Variants in FYB2 observed in about 807,000 individuals in gnomAD.
FYB2 encodes FYN binding protein 2.
In FYB2, 103 loss-of-function variants were observed where a neutral mutation model predicts 94.1. That is an observed-to-expected ratio of 1.09 (90% CI 0.93 to 1.29). FYB2 has a LOEUF of 1.29. Ranked by LOEUF, FYB2 falls within the 50% of genes most tolerant of loss-of-function variation. FYB2 has a pLI of 0.00. For missense variants in FYB2, 896 were observed against 841.5 expected (o/e 1.06, Z -0.80); for synonymous variants, 293 against 287.9 (o/e 1.02, Z -0.18).
chr1:56,807,191 T>A (rs955529985), intron 1 of FYB2, among the ~76,000 whole-genome samples: 2 of 152,190 alleles, frequency 1.3e-5, no homozygotes, highest in African/African-American at 4.8e-5. Flanking sequence ...CTTTTAGGTT[T>A]ATGACAGTTT....
chr1:56,753,935 A>G lies in FYB2; in HGVS notation c.1131T>C (p.Ser377=). The G allele has an allele frequency of 6.3e-7, 1 of 1,577,954 alleles. No individual in the cohort carries two copies. Among genetic ancestry groups the G allele is most frequent in the East Asian group, 2.3e-5 (1 of 43,812 alleles). ...TCATTTTTTTATCTTCATGTTTAGC[A>G]CTGAAATGTGAAGAGATACCAGGAA... ...PGKNFPYPEP[S]AKHEDKKMKE... is the part of the protein sequence containing the mutation. Residue 377 remains serine (S), a splice_region_variant and synonymous_variant, in exon 8 of 20, where the codon AGT becomes AGC. Transcript: ENST00000343433.
At position 56,742,162 on chromosome 1, in the gene FYB2, C is replaced by G. The variant is rs188719293; in HGVS notation, c.1603G>C (p.Asp535His). The G allele has an allele frequency of 3.1e-6, 5 of 1,603,580 alleles. No homozygotes were observed. ...AAGCCAAGAAAGAGAGAAACTCACTCTATCTTTGGGTAGTTGTTCTTTGTT... is the reference window on the plus strand; with the variant it reads ...AAGCCAAGAAAGAGAGAAACTCACTGTATCTTTGGGTAGTTGTTCTTTGTT... The part of the protein sequence containing the change: ...YKTKNNYPKI[D>H]LDGKEALKRL... The change falls in exon 12 of 20, where the codon GAT becomes CAT. Residue 535 changes from aspartate to histidine, a missense_variant and splice_region_variant. Asp to His is a moderately conservative substitution (Grantham distance 81, BLOSUM62 -1). Coordinates refer to ENST00000343433, the MANE Select transcript of FYB2 (RefSeq NM_001004303.5).
intron 1 of FYB2, among the ~76,000 whole-genome samples, chr1:56,816,264 G>C (rs766221946): frequency 6.6e-6 from 1 of 152,170 alleles, no homozygotes; most frequent in Non-Finnish European, 1.5e-5. Flanking sequence ...CCAGTGGCTG[G>C]TCTAGTCTGG....
At chr1:56,775,538 T>C (rs1645856185) in intron 4 of FYB2, among the ~76,000 whole-genome samples, 1 of 152,190 alleles carries the variant, frequency 6.6e-6, no homozygotes, top group South Asian at 2.1e-4. Context: ...TTTGGCTCTA[T>C]GAAATAGATA....
chr1:56,740,663 C>T, intron 13 of FYB2, 34 bp downstream of exon 13: 1 of 1,291,396 alleles, frequency 7.7e-7, no homozygotes. Flanking sequence ...CAGGTTAATC[C>T]CCTCGTGGAA....
chr1:56,752,857 A>T (rs890777469), intron 8 of FYB2, among the ~76,000 whole-genome samples: 3 of 152,110 alleles, frequency 2.0e-5, no homozygotes, highest in Non-Finnish European at 4.4e-5. Flanking sequence ...ATCCTTAGTC[A>T]TGTATCTCTC....
chr1:56,740,749 T>C lies in FYB2; in HGVS notation c.1651A>G (p.Lys551Glu). The C allele has an allele frequency of 6.2e-7, 1 of 1,608,942 alleles. No homozygotes were observed. Among genetic ancestry groups the C allele is most frequent in the Non-Finnish European group, 8.5e-7 (1 of 1,177,296 alleles). ...ALKRLQQFFK[K>E]EKDRFKIKKT... ...TTTATTTTAAATCTATCCTTTTCTT[T>C]CTTGAAGAATTGCTGCAGTCTTTTG... The change falls in exon 13 of 20, where the codon AAA (lysine) becomes GAA (glutamate). Residue 551 changes from lysine to glutamate, a missense_variant. By Grantham distance (56) the Lys-to-Glu change is moderately conservative. Transcript: ENST00000343433.
intron 1 of FYB2, among the ~76,000 whole-genome samples, chr1:56,804,027 T>C (rs966699016): frequency 6.6e-6 from 1 of 152,202 alleles, no homozygotes; most frequent in Non-Finnish European, 1.5e-5. Flanking sequence ...GAGGAGTCCA[T>C]ATTTTATAAA....
intron 15 of FYB2, among the ~76,000 whole-genome samples, chr1:56,733,268 G>C (rs1484213426): frequency 6.6e-6 from 1 of 152,074 alleles, no homozygotes; most frequent in Non-Finnish European, 1.5e-5. Context: ...TGTGGGATTG[G>C]TGGTGATATC....
intron 1 of FYB2, among the ~76,000 whole-genome samples, chr1:56,818,875 G>A (rs1274486061): frequency 6.6e-6 from 1 of 152,194 alleles, no homozygotes; most frequent in African/African-American, 2.4e-5. Flanking sequence ...CTAGCACCAA[G>A]CACTGCTCTC....
chr1:56,759,867 G>T (rs1454200881), intron 5 of FYB2, among the ~76,000 whole-genome samples: 1 of 152,068 alleles, frequency 6.6e-6, no homozygotes, highest in African/African-American at 2.4e-5. Context: ...TGGATCACAA[G>T]GTCAGGAGTT....
intron 5 of FYB2, among the ~76,000 whole-genome samples, chr1:56,765,934 G>C (rs751340351): frequency 2.0e-5 from 3 of 152,184 alleles, no homozygotes; most frequent in Non-Finnish European, 2.9e-5. Context: ...CACTTCACTT[G>C]AAATGAGCTA....
rs1570019223 is a variant in FYB2 at position 56,757,009 on chromosome 1, T to C, written c.1099-1082A>G. Among the ~76,000 whole-genome samples the C allele has an allele frequency of 2.6e-5, 4 of 152,260 alleles. No homozygotes were observed. The South Asian group carries it at 8.3e-4, about 32-fold the overall frequency. On this transcript the variant is annotated intron_variant, in intron 6 of 19. Transcript: ENST00000343433. Reference sequence around the variant, plus strand: ...TAAACTATGTTGACTCAGTCCCTTATAGTCAAGAATATTCCAAGTCATTAA... The same window carrying C: ...TAAACTATGTTGACTCAGTCCCTTACAGTCAAGAATATTCCAAGTCATTAA...
At chr1:56,819,959 G>C (rs1646970812), upstream of FYB2, among the ~76,000 whole-genome samples, 1 of 152,144 alleles carries the variant, frequency 6.6e-6, no homozygotes, top group Non-Finnish European at 1.5e-5. Flanking sequence ...CGGGTGCAGT[G>C]GCTCACACCT....
intron 4 of FYB2, among the ~76,000 whole-genome samples, chr1:56,773,403 T>C (rs1312237219): frequency 6.6e-5 from 10 of 152,198 alleles, no homozygotes; most frequent in African/African-American, 2.4e-4. Context: ...CATTAATAGC[T>C]ACCATTTCTT....
chr1:56,729,072 C>T (rs770224692), intron 15 of FYB2, among the ~76,000 whole-genome samples: 12 of 152,036 alleles, frequency 7.9e-5, no homozygotes, highest in South Asian at 2.1e-4. Flanking sequence ...GAAGAACAGG[C>T]GAGGCTAAGA....
At chr1:56,799,804 A>C (rs1006036362) in intron 1 of FYB2, among the ~76,000 whole-genome samples, 4 of 152,118 alleles carry the variant, frequency 2.6e-5, no homozygotes, top group African/African-American at 4.8e-5. Context: ...TCTCTATGTC[A>C]CCGCTCTCTG....
chr1:56,758,897 T>C (rs1645421798), intron 5 of FYB2, 147 bp from the exon 6 acceptor site: 2 of 526,462 alleles, frequency 3.8e-6, no homozygotes, highest in Non-Finnish European at 6.3e-6. Context: ...ATCTAGAAAG[T>C]TTGGGAAATT....
At chr1:56,727,632 A>G (rs1235507351) in intron 15 of FYB2, among the ~76,000 whole-genome samples, 1 of 152,128 alleles carries the variant, frequency 6.6e-6, no homozygotes, top group African/African-American at 2.4e-5. Context: ...TATGTTTGTT[A>G]AAACTATTTT....
Sources: gnomAD v4.1 joint callset for allele counts (sites outside exome capture counted in the v4.1 genomes callset) on GRCh38, gnomAD v4.1.1 for gene constraint, MANE v1.5 for transcripts, NCBI Gene and HGNC (gene_info 2026-07-23, HGNC 2026-07-21) for gene names.